The following PCNX1 variants were observed in gnomAD, a reference collection of about 807,000 sequenced individuals.
PCNX1 encodes pecanex 1, also known as pecanex-like protein 1.
Under a neutral mutation model 242.2 loss-of-function variants are expected in PCNX1, and 78 were observed. The ratio of observed to expected loss-of-function variants is 0.32; its 90% CI spans 0.27 to 0.39. The LOEUF (loss-of-function observed/expected upper bound fraction) is 0.39, where lower values mean the gene tolerates loss of function less well. Ranked by LOEUF, PCNX1 falls within the 10% of genes least tolerant of loss-of-function variation. The probability of loss-of-function intolerance (pLI) is 1.00; values close to 1 mark genes in which losing one functional copy is unlikely to be tolerated. For missense variants in PCNX1, 2,581 were observed against 2,856.5 expected, an observed-to-expected ratio of 0.90 and a Z score of 2.20; for synonymous variants, 1,024 against 1,032.9, an observed-to-expected ratio of 0.99 and a Z score of 0.17.
chr14:71,068,156 G>A (rs1028451417), intron 26 of PCNX1, among the ~76,000 whole-genome samples: 12 of 151,510 alleles, frequency 7.9e-5, no homozygotes, highest in African/African-American at 1.2e-4. Flanking sequence ...GTGAAACCCC[G>A]TCTCTACTAA....
chr14:70,921,028 G>A (rs879568582), intron 1 of PCNX1, among the ~76,000 whole-genome samples: 2 of 152,048 alleles, frequency 1.3e-5, no homozygotes, highest in African/African-American at 2.4e-5. Flanking sequence ...GTAGTGTTTT[G>A]CTCTGCTTAA....
rs920974828 is a variant in PCNX1 at position 71,079,387 on chromosome 14, A to T, written c.5337+2968A>T. Reference sequence around the variant, plus strand: ...AAATGGGATTGCTGGGTCAAATGGCATTTCTGGTTCTAGATCCTTGGGGAA... The same window carrying T: ...AAATGGGATTGCTGGGTCAAATGGCTTTTCTGGTTCTAGATCCTTGGGGAA... On this transcript the variant is annotated intron_variant, in intron 28 of 35. Coordinates refer to ENST00000304743, the MANE Select transcript of PCNX1 (RefSeq NM_014982.3). Among the ~76,000 whole-genome samples, 4 of 152,276 alleles carry T rather than the reference A, an allele frequency of 2.6e-5. No homozygotes were observed. In the South Asian group the frequency reaches 8.3e-4, roughly 32 times the overall value.
At chr14:71,093,336 G>C (rs1020506879) in intron 30 of PCNX1, 1 of 117,296 alleles carries the variant, frequency 8.5e-6, no homozygotes, top group Non-Finnish European at 1.7e-5. Flanking sequence ...AAAAAAAAAG[G>C]GTGATGAAGG....
Position 71,026,199 on chromosome 14 carries a change from G to A in PCNX1, c.3266G>A (p.Ser1089Asn), listed in dbSNP as rs2060239353. Residue 1089 changes from serine (S) to asparagine (N), a missense_variant, in exon 14 of 36, where the codon AGC (serine) becomes AAC (asparagine). This residue lies in a region of PCNX1 where 432 missense variants were observed against 443.1 expected (regional missense o/e 0.97). Coordinates refer to ENST00000304743, the MANE Select transcript of PCNX1 (RefSeq NM_014982.3). The part of the protein sequence containing the change: ...CGLIWLLDYG[S>N]RNLTATKFKL... ...CTTATTTGGCTCTTGGATTATGGTA[G>A]CAGAAACCTGACTGCAACCAAGTTC... The A allele has an allele frequency of 6.2e-7, 1 of 1,611,146 alleles. No homozygotes were observed. Among genetic ancestry groups the A allele is most frequent in the Non-Finnish European group, 8.5e-7 (1 of 1,177,978 alleles).
chr14:71,010,468 A>G lies in PCNX1; in HGVS notation c.2720+744A>G, dbSNP rs76808604. 3.2e-3 allele frequency among the ~76,000 whole-genome samples: 494 copies of G among 152,172 alleles called. 10 individuals are homozygous for G. The East Asian group carries it at 0.08, about 25-fold the overall frequency. On this transcript the variant is annotated intron_variant, in intron 9 of 35. Transcript: ENST00000304743. ...TTTCTTTTACTGGCTTTAAGGAAGTATTTCTTAAAATATGTCTCATACGTT... is the reference window on the plus strand; with the variant it reads ...TTTCTTTTACTGGCTTTAAGGAAGTGTTTCTTAAAATATGTCTCATACGTT...
At chr14:70,923,891 A>G (rs1243659513) in intron 1 of PCNX1, among the ~76,000 whole-genome samples, 3 of 152,158 alleles carry the variant, frequency 2.0e-5, no homozygotes, top group African/African-American at 7.2e-5. Flanking sequence ...AAATTCCTAT[A>G]AATAGGATTG....
rs559302070 is a variant in PCNX1 at position 71,082,013 on chromosome 14, C to G, written c.5337+5594C>G. Among the ~76,000 whole-genome samples, 9 of 152,300 alleles carry G rather than the reference C, an allele frequency of 5.9e-5. No individual in the cohort carries two copies. In the South Asian group the frequency reaches 1.9e-3, roughly 32 times the overall value. On this transcript the variant is annotated intron_variant, in intron 28 of 35. Transcript: ENST00000304743. ...GGCATTTAGTGCTATAAATTTCTCT[C>G]TAAACACTGTTTTAGCTGTGTCTCA...
chr14:70,933,613 T>C (rs2056886264), intron 1 of PCNX1, among the ~76,000 whole-genome samples: 1 of 152,162 alleles, frequency 6.6e-6, no homozygotes. Context: ...AACTGAAGTA[T>C]ATGTTGTTTT....
At chr14:70,918,300 A>G (rs1247728881) in intron 1 of PCNX1, among the ~76,000 whole-genome samples, 1 of 152,196 alleles carries the variant, frequency 6.6e-6, no homozygotes, top group Non-Finnish European at 1.5e-5. Context: ...TTCTCACTAA[A>G]TTTAATCATT....
rs1223940390 is a variant in PCNX1 at position 71,115,204 on chromosome 14, G to GTACT, written c.*5273_*5276dup. On this transcript the variant is annotated 3_prime_UTR_variant, in exon 36 of 36. Transcript: ENST00000304743. Reference sequence around the variant, plus strand: ...GTATAAACCAGAGATAAGGACATATGTACTTACGTGTGTCTGTGAGTGTGT... The same window carrying GTACT: ...GTATAAACCAGAGATAAGGACATATGTACTTACTTACGTGTGTCTGTGAGTGTGT... The GTACT allele has an allele frequency of 1.3e-5, 2 of 152,520 alleles. No homozygotes were observed. The highest frequency in any genetic ancestry group is 4.8e-5 in the African/African-American group (2 of 41,416). 9.4% of individuals were successfully genotyped at this position (152,520 alleles called of 1,614,324 possible).
intron 26 of PCNX1, among the ~76,000 whole-genome samples, chr14:71,067,364 T>G (rs2061473572): frequency 6.6e-6 from 1 of 152,176 alleles, no homozygotes; most frequent in Admixed American, 6.5e-5. Context: ...TCCAGAAATT[T>G]ATCTATTTTT....
intron 16 of PCNX1, chr14:71,031,699 G>T (rs1299743688): frequency 2.4e-6 from 2 of 835,930 alleles, no homozygotes; most frequent in African/African-American, 3.3e-5. Context: ...GAGCCCCAGA[G>T]CTAAGTGGCC....
At chr14:70,934,880 A>T (rs1314970858) in intron 1 of PCNX1, among the ~76,000 whole-genome samples, 1 of 152,178 alleles carries the variant, frequency 6.6e-6, no homozygotes, top group African/African-American at 2.4e-5. Context: ...GGAAGGGTTT[A>T]TGATCTATTA....
intron 1 of PCNX1, among the ~76,000 whole-genome samples, chr14:70,941,865 C>T (rs1029339513): frequency 2.0e-5 from 3 of 152,314 alleles, no homozygotes; most frequent in Middle Eastern, 3.4e-3. Flanking sequence ...TGCTGCCTTG[C>T]AGTTTGATCT....
chr14:71,105,531 C>A, intron 33 of PCNX1, 91 bp downstream of exon 33: 1 of 960,446 alleles, frequency 1.0e-6, no homozygotes, highest in South Asian at 1.6e-5. Context: ...ACATGTGGTC[C>A]ACTTGGAAAT....
Position 71,109,521 on chromosome 14 carries a change from G to A in PCNX1, c.6814G>A (p.Glu2272Lys). ...SKRKELQWPD[E>K]GIRLKAGRNS... Reference sequence around the variant, plus strand: ...AAGGAAAGAGCTACAGTGGCCTGATGAAGGAATCCGGTTAAAAGCTGGGAG... The same window carrying A: ...AAGGAAAGAGCTACAGTGGCCTGATAAAGGAATCCGGTTAAAAGCTGGGAG... Residue 2272 changes from glutamate to lysine, a missense_variant, in exon 35 of 36, where the codon GAA becomes AAA. Physicochemically the swap from Glu to Lys is moderately conservative, Grantham distance 56. This residue lies in a region of PCNX1 where 432 missense variants were observed against 433.6 expected (regional missense o/e 1.00). Transcript: ENST00000304743. 5.6e-6 allele frequency: 9 copies of A among 1,614,042 alleles called. No individual in the cohort carries two copies. Among genetic ancestry groups the A allele is most frequent in the Non-Finnish European group, 7.6e-6 (9 of 1,179,890 alleles).
chr14:70,987,813 C>T (rs1566663363), intron 6 of PCNX1, among the ~76,000 whole-genome samples: 2 of 152,078 alleles, frequency 1.3e-5, no homozygotes, highest in Non-Finnish European at 2.9e-5. Context: ...AAAGTACAAA[C>T]AATAAAGTAC....
rs2055618452 is a variant in PCNX1 at position 70,907,679 on chromosome 14, C to T, written c.-172C>T. The T allele has an allele frequency of 1.3e-5, 9 of 697,000 alleles. No homozygotes were observed. The highest frequency in any genetic ancestry group is 1.7e-5 in the Non-Finnish European group (9 of 527,100). 43.2% of individuals were successfully genotyped at this position (697,000 alleles called of 1,614,324 possible). A position where few individuals can be genotyped will look rare whatever the true frequency, so the allele number is the denominator to read the frequency against. ...GGGTCTCCTCCTCCTCGTTTGCTGC[C>T]TCCTCCTCCTCCTGCAGCAGCACCA... On this transcript the variant is annotated 5_prime_UTR_variant, in exon 1 of 36. Transcript: ENST00000304743.
chr14:71,021,213 T>A (rs1035307231), intron 12 of PCNX1, among the ~76,000 whole-genome samples: 4 of 152,016 alleles, frequency 2.6e-5, no homozygotes, highest in Non-Finnish European at 5.9e-5. Context: ...CAGCTTTATT[T>A]TTTTTGCTTA....
Sources: allele counts gnomAD v4.1 joint callset (sites outside exome capture counted in the v4.1 genomes callset), GRCh38; gene constraint gnomAD v4.1.1; regional missense constraint gnomAD v4.1.1; transcripts MANE v1.5; gene names NCBI Gene and HGNC (gene_info 2026-07-23, HGNC 2026-07-21).